ABCG1: variants seen among roughly 807,000 people sequenced by gnomAD.
ABCG1 encodes the protein ATP-binding cassette sub-family G member 1.
ABCG1 carries 29 observed loss-of-function variants against 69.2 expected under a neutral mutation model. That is an observed-to-expected ratio of 0.42 (90% CI 0.31 to 0.57). The LOEUF (loss-of-function observed/expected upper bound fraction) is 0.57, where lower values mean the gene tolerates loss of function less well. Ranked by LOEUF, ABCG1 falls within the 20% of genes least tolerant of loss-of-function variation. The pLI is 0.15. For synonymous variants in ABCG1, 370 were observed against 374.8 expected (o/e 0.99, Z 0.15); for missense variants, 718 against 898.1 (o/e 0.80, Z 2.56).
chr21:42,288,933 C>T lies in ABCG1; in HGVS notation c.1224+621C>T, dbSNP rs1024483733. On this transcript the variant is annotated intron_variant, in intron 10 of 14. Transcript: ENST00000398449. The surrounding 1 kb of genome is among the most constrained non-coding windows in gnomAD (Gnocchi z 4.8). ...TGGTGGAAGGCAAAGTGGGATGGAG[C>T]GCTACACACTTTTAAACATTCAGAT... is the stretch of plus-strand genomic sequence containing the variant. Among the ~76,000 whole-genome samples the T allele has an allele frequency of 1.3e-5, 2 of 152,008 alleles. No individual in the cohort carries two copies. Among genetic ancestry groups the T allele is most frequent in the Non-Finnish European group, 2.9e-5 (2 of 67,994 alleles).
chr21:42,211,594 C>A (rs1261682286), upstream of ABCG1, among the ~76,000 whole-genome samples: 1 of 151,964 alleles, frequency 6.6e-6, no homozygotes, highest in Non-Finnish European at 1.5e-5. Context: ...GAGATGCGAT[C>A]CTGGGCCTGG....
chr21:42,240,216 C>T (rs137997217), intron 2 of ABCG1, among the ~76,000 whole-genome samples: 1 of 152,202 alleles, frequency 6.6e-6, no homozygotes, highest in Non-Finnish European at 1.5e-5. Flanking sequence ...GGCACTGCTT[C>T]CATGTTATCA....
intron 5 of ABCG1, among the ~76,000 whole-genome samples, chr21:42,280,992 TG>T (rs1156710046): frequency 6.6e-6 from 1 of 152,190 alleles, no homozygotes; most frequent in African/African-American, 2.4e-5. Context: ...GCACCAGGGC[TG>T]GGGTGAGGGC....
intron 5 of ABCG1, among the ~76,000 whole-genome samples, chr21:42,279,489 C>T (rs2068769161): frequency 6.6e-6 from 1 of 152,218 alleles, no homozygotes. Flanking sequence ...GGCCTTGGGC[C>T]ACTGCCTGCT....
In ABCG1 at chr21:42,296,637, T is replaced by TTA; in HGVS notation, c.*245_*246insTA. 2.0e-6 allele frequency: 1 copy of TTA among 509,442 alleles called. No homozygotes were observed. Among genetic ancestry groups the TTA allele is most frequent in the Non-Finnish European group, 3.6e-6 (1 of 280,818 alleles). 31.6% of individuals were successfully genotyped at this position (509,442 alleles called of 1,614,324 possible). On this transcript the variant is annotated 3_prime_UTR_variant, in exon 15 of 15. Coordinates refer to ENST00000398449, the MANE Select transcript of ABCG1 (RefSeq NM_016818.3). This position sits in a 1 kb window ranked among gnomAD's most constrained non-coding sequence, Gnocchi z 5.4. ...GGCAGATTGGTGGTTTTTTTTTTTT[T>TTA]AACATACAGAATTTTAAATACCACA... is the stretch of plus-strand genomic sequence containing the variant.
rs372447551 is a variant in ABCG1, at chr21:42,220,042, T to G, written c.42+738T>G. The G allele has an allele frequency of 1.9e-6, 3 of 1,551,824 alleles. No individual in the cohort carries two copies. In the African/African-American group the frequency reaches 4.1e-5, roughly 21 times the overall value. Reference sequence around the variant, plus strand: ...TCGGCGAGTTCACTGCTGGACACAGTTACTGTAAGTGCTGTTTCCAGGGGT... The same window carrying G: ...TCGGCGAGTTCACTGCTGGACACAGGTACTGTAAGTGCTGTTTCCAGGGGT... On this transcript the variant is annotated intron_variant, in intron 1 of 14. Coordinates refer to ENST00000398449, the MANE Select transcript of ABCG1 (RefSeq NM_016818.3).
intron 2 of ABCG1, among the ~76,000 whole-genome samples, chr21:42,238,935 T>C (rs950057088): frequency 1.3e-5 from 2 of 152,230 alleles, no homozygotes; most frequent in Admixed American, 6.5e-5. Context: ...TGTAAATCCA[T>C]TAATGTTGTA....
At chr21:42,250,414 G>A (rs1225795299) in intron 2 of ABCG1, among the ~76,000 whole-genome samples, 1 of 152,146 alleles carries the variant, frequency 6.6e-6, no homozygotes, top group Non-Finnish European at 1.5e-5. Flanking sequence ...TTTCCCGTGG[G>A]TGCTCTGGGC....
At chr21:42,295,863 G>C (rs376033852) in intron 14 of ABCG1, among the ~76,000 whole-genome samples, 1 of 152,164 alleles carries the variant, frequency 6.6e-6, no homozygotes, top group African/African-American at 2.4e-5. Flanking sequence ...ATGTAACCTC[G>C]GAAGTGAACA....
At position 42,296,516 on chromosome 21, in the gene ABCG1, G is replaced by A. The variant is rs1189556910; in HGVS notation, c.*124G>A. 6 of 873,212 alleles carry A rather than the reference G, an allele frequency of 6.9e-6. No individual in the cohort carries two copies. The highest frequency in any genetic ancestry group is 4.8e-5 in the South Asian group (3 of 63,002). 54.1% of individuals were successfully genotyped at this position (873,212 alleles called of 1,614,324 possible). A position where few individuals can be genotyped will look rare whatever the true frequency, so the allele number is the denominator to read the frequency against. Reference sequence around the variant, plus strand: ...CTCTTCTGATCCAACCCCTAGAACCGCGTTGGGTTTGTGGGTGTCTCGTGC... The same window carrying A: ...CTCTTCTGATCCAACCCCTAGAACCACGTTGGGTTTGTGGGTGTCTCGTGC... On this transcript the variant is annotated 3_prime_UTR_variant, in exon 15 of 15. Coordinates refer to ENST00000398449, the MANE Select transcript of ABCG1 (RefSeq NM_016818.3). The surrounding 1 kb of genome is among the most constrained non-coding windows in gnomAD (Gnocchi z 5.4).
intron 2 of ABCG1, chr21:42,260,285 G>C: frequency 6.9e-7 from 1 of 1,456,430 alleles, no homozygotes; most frequent in Non-Finnish European, 9.1e-7. Context: ...CCGAATGGTG[G>C]CCCGGCTGGG....
intron 2 of ABCG1, among the ~76,000 whole-genome samples, chr21:42,210,333 C>T (rs1379559692): frequency 3.3e-5 from 5 of 152,052 alleles, no homozygotes; most frequent in African/African-American, 4.8e-5. Flanking sequence ...TTGGAGGAAA[C>T]GTGGGGTACA....
chr21:42,208,817 G>A (rs1437119036), intron 2 of ABCG1, among the ~76,000 whole-genome samples: 1 of 152,060 alleles, frequency 6.6e-6, no homozygotes, highest in Non-Finnish European at 1.5e-5. Context: ...AAAATGAGTT[G>A]TTTTTCTCCT....
At chr21:42,256,112 C>A in intron 2 of ABCG1, 2 of 1,335,996 alleles carry the variant, frequency 1.5e-6, no homozygotes, top group Non-Finnish European at 1.9e-6. Flanking sequence ...GGGTGAGGCC[C>A]GTGACCTTCC....
At chr21:42,261,027 T>C (rs2068400628) in intron 2 of ABCG1, among the ~76,000 whole-genome samples, 2 of 152,074 alleles carry the variant, frequency 1.3e-5, no homozygotes, top group African/African-American at 4.8e-5. Context: ...TTCACCATGT[T>C]AGCCAGGATG....
intron 2 of ABCG1, among the ~76,000 whole-genome samples, chr21:42,208,073 CTCTT>C (rs1601329834): frequency 6.6e-6 from 1 of 152,212 alleles, no homozygotes; most frequent in Non-Finnish European, 1.5e-5. Context: ...GAACTCCCCA[CTCTT>C]TCTTTGCTGG....
chr21:42,248,745 A>AT (rs1491371615), intron 2 of ABCG1, among the ~76,000 whole-genome samples: 6 of 147,064 alleles, frequency 4.1e-5, no homozygotes, highest in African/African-American at 1.3e-4. Flanking sequence ...AATTTAAAAA[A>AT]TTAAAAAAAA....
At chr21:42,266,874 G>A (rs546400991) in intron 2 of ABCG1, among the ~76,000 whole-genome samples, 39 of 152,096 alleles carry the variant, frequency 2.6e-4, no homozygotes, top group Non-Finnish European at 5.0e-4. Flanking sequence ...TCCTGAGCAG[G>A]TGTCTGGTGC....
At chr21:42,270,259 C>CAAAAAAAAAAAAAAAAAAAAAAA (rs4006345) in intron 2 of ABCG1, among the ~76,000 whole-genome samples, 1 of 87,184 alleles carries the variant, frequency 1.1e-5, no homozygotes, top group Non-Finnish European at 2.1e-5. Flanking sequence ...GACTCAGTCT[C>CAAAAAAAAAAAAAAAAAAAAAAA]AAAAAAAAAA....
Sources: gnomAD v4.1 joint callset for allele counts (sites outside exome capture counted in the v4.1 genomes callset) on GRCh38, gnomAD v4.1.1 for gene constraint, Gnocchi (gnomAD v3.1) non-coding constraint, MANE v1.5 for transcripts, NCBI Gene and HGNC (gene_info 2026-07-23, HGNC 2026-07-21) for gene names.